Variants in SRSF7 observed in about 807,000 individuals in gnomAD.
The protein encoded by SRSF7 is serine/arginine-rich splicing factor 7.
A neutral mutation model predicts 42.2 loss-of-function variants in SRSF7; 15 were observed. The observed-to-expected ratio is 0.36, with a 90% CI of 0.24 to 0.55. The LOEUF (loss-of-function observed/expected upper bound fraction) is 0.55. Among genes scored for constraint, SRSF7 ranks in the 20% least tolerant of loss-of-function variants. The probability of loss-of-function intolerance (pLI) is 0.88; values close to 1 mark genes in which losing one functional copy is unlikely to be tolerated. For missense variants in SRSF7, 181 were observed against 305.9 expected (o/e 0.59, Z 3.04); for synonymous variants, 138 against 107.9 (o/e 1.28, Z -1.73).
Position 38,744,139 on chromosome 2 carries a change from G to A in SRSF7, c.*994C>T. The A allele has an allele frequency of 6.6e-6, 1 of 152,560 alleles. No homozygotes were observed. The highest frequency in any genetic ancestry group is 1.5e-5 in the Non-Finnish European group (1 of 68,024). 9.5% of individuals were successfully genotyped at this position (152,560 alleles called of 1,614,324 possible). A position where few individuals can be genotyped will look rare whatever the true frequency, so the allele number is the denominator to read the frequency against. On this transcript the variant is annotated 3_prime_UTR_variant, in exon 8 of 8. Transcript: ENST00000313117. ...TTTAGTCTCATTGACATTTCTGATT[G>A]ACATCTTTAATTACTTTGCACCAGC...
At chr2:38,745,222 G>C in intron 7 of SRSF7, 35 bp from the exon 8 acceptor site, 3 of 1,610,584 alleles carry the variant, frequency 1.9e-6, no homozygotes, top group Non-Finnish European at 2.5e-6. Flanking sequence ...GATCCAATTA[G>C]TGTCAATTGA....
intron 5 of SRSF7, among the ~76,000 whole-genome samples, chr2:38,747,339 T>C (rs560556646): frequency 3.6e-4 from 55 of 152,360 alleles, no homozygotes; most frequent in African/African-American, 1.2e-3. Flanking sequence ...CTTTCTCAAA[T>C]AGACCACAAG....
At chr2:38,746,607 T>C in intron 6 of SRSF7, 87 bp downstream of exon 6, 3 of 1,581,124 alleles carry the variant, frequency 1.9e-6, no homozygotes, top group Middle Eastern at 1.7e-4. Flanking sequence ...GAGTTAACAC[T>C]TAAAATTTCA....
chr2:38,749,238 ACC>A, intron 3 of SRSF7: 1 of 1,377,446 alleles, frequency 7.3e-7, no homozygotes, highest in Non-Finnish European at 9.6e-7. Context: ...TATGCTGATC[ACC>A]TCAAGGTCTA....
At chr2:38,745,330 T>C (rs1667203754) in intron 7 of SRSF7, 143 bp from the exon 8 acceptor site, 5 of 836,290 alleles carry the variant, frequency 6.0e-6, no homozygotes, top group South Asian at 3.4e-5. Context: ...GAAACTTACA[T>C]ATATTCATCT....
chr2:38,750,127 A>G lies in SRSF7; in HGVS notation c.96T>C (p.Ser32=). Residue 32 remains serine (S), a synonymous_variant, in exon 2 of 8, where the codon AGT becomes AGC. Coordinates refer to ENST00000313117, the MANE Select transcript of SRSF7 (RefSeq NM_001031684.3). ...ATACAGTTCTTAAAGGACCATAATA[A>G]CTGAAAGCCCTTTCTAACTCTCCTT... ...AGKGELERAF[S]YYGPLRTVWI... 6.2e-7 allele frequency: 1 copy of G among 1,613,370 alleles called. No individual in the cohort carries two copies.
Position 38,749,811 on chromosome 2 carries a change from C to G in SRSF7, c.210-106G>C, listed in dbSNP as rs377552660. On this transcript the variant is annotated intron_variant, in intron 2 of 7. Transcript: ENST00000313117. Reference sequence around the variant, plus strand: ...ACTCACTCTTTCCAACCACTCCTTCCCCCCCAACAAACTTTGGCGGTCTTT... The same window carrying G: ...ACTCACTCTTTCCAACCACTCCTTCGCCCCCAACAAACTTTGGCGGTCTTT... 129 of 1,333,554 alleles carry G rather than the reference C, an allele frequency of 9.7e-5. 2 individuals are homozygous for G. The highest frequency in any genetic ancestry group is 3.8e-4 in the South Asian group (23 of 60,836). 82.6% of individuals were successfully genotyped at this position (1,333,554 alleles called of 1,614,324 possible).
chr2:38,747,055 A>C (rs570152524), intron 5 of SRSF7: 34 of 524,338 alleles, frequency 6.5e-5, no homozygotes, highest in African/African-American at 5.7e-4. Context: ...AAGGAAGCAA[A>C]ACTAACCTCA....
At chr2:38,748,980 C>T in intron 3 of SRSF7, 3 of 1,286,912 alleles carry the variant, frequency 2.3e-6, no homozygotes, top group Non-Finnish European at 3.0e-6. Flanking sequence ...CCGATCGCTG[C>T]ATCTAGATGT....
chr2:38,748,043 A>G lies in SRSF7; in HGVS notation c.572+4T>C, dbSNP rs1558610761. On this transcript the variant is annotated splice_donor_region_variant and intron_variant, in intron 5 of 7. Coordinates refer to ENST00000313117, the MANE Select transcript of SRSF7 (RefSeq NM_001031684.3). ...CACAAGTAAGGAAAAAAAGTGTTAC[A>G]TACTGGAAATACCTCGATCCTTTTA... 2.5e-6 allele frequency: 4 copies of G among 1,607,280 alleles called. No homozygotes were observed. In the South Asian group the frequency reaches 3.3e-5, roughly 13 times the overall value.
chr2:38,751,287 C>G lies in SRSF7; in HGVS notation c.-31G>C. On this transcript the variant is annotated 5_prime_UTR_variant, in exon 1 of 8. Coordinates refer to ENST00000313117, the MANE Select transcript of SRSF7 (RefSeq NM_001031684.3). Reference sequence around the variant, plus strand: ...CAGACCCGCGTGCTCGGCTCTTTAGCAAGCAGCGCCCAGGGCTCGAGTGAC... The same window carrying G: ...CAGACCCGCGTGCTCGGCTCTTTAGGAAGCAGCGCCCAGGGCTCGAGTGAC... 4.3e-6 allele frequency: 7 copies of G among 1,613,954 alleles called. No individual in the cohort carries two copies. The East Asian group carries it at 1.3e-4, about 31-fold the overall frequency.
Position 38,749,538 on chromosome 2 carries a change from C to G in SRSF7, c.377G>C (p.Arg126Thr). 1.3e-6 allele frequency: 2 copies of G among 1,568,008 alleles called. No homozygotes were observed. The highest frequency in any genetic ancestry group is 1.7e-6 in the Non-Finnish European group (2 of 1,160,282). The change falls in exon 3 of 8, where the codon AGA becomes ACA. Residue 126 changes from arginine to threonine, a missense_variant. By Grantham distance (71) the Arg-to-Thr change is moderately conservative. This residue lies in a region of SRSF7 where 136 missense variants were observed against 147.8 expected (regional missense o/e 0.92). Transcript: ENST00000313117. ...TTATTAAAATAAATACCTGCTTCTT[C>G]TTCGCCGGCTGTAACGATGACAATC... ...AYDCHRYSRR[R>T]RSRSRSRSHS... is the part of the protein sequence containing the mutation.
At chr2:38,751,408 G>C (rs1257036533), upstream of SRSF7, 1 of 992,200 alleles carries the variant, frequency 1.0e-6, no homozygotes, top group Non-Finnish European at 1.5e-6. Context: ...GCTGCGCTTT[G>C]CGCATGCGTC....
At position 38,744,901 on chromosome 2, in the gene SRSF7, G is replaced by A; in HGVS notation, c.*232C>T. 1 of 456,138 alleles carries A rather than the reference G, an allele frequency of 2.2e-6. No individual in the cohort carries two copies. Among genetic ancestry groups the A allele is most frequent in the Non-Finnish European group, 3.9e-6 (1 of 257,960 alleles). 28.3% of individuals were successfully genotyped at this position (456,138 alleles called of 1,614,324 possible). On this transcript the variant is annotated 3_prime_UTR_variant, in exon 8 of 8. Transcript: ENST00000313117. ...TGAACACAAATCAAAAATCTAGTTAGAAACATTTTATTTAAATGTGCCAAA... is the reference window on the plus strand; with the variant it reads ...TGAACACAAATCAAAAATCTAGTTAAAAACATTTTATTTAAATGTGCCAAA...
intron 6 of SRSF7, 144 bp from the exon 7 acceptor site, chr2:38,746,323 C>A: frequency 1.1e-6 from 1 of 931,282 alleles, no homozygotes; most frequent in Non-Finnish European, 1.6e-6. Flanking sequence ...CCAGTTGTTG[C>A]TAACAAAAGC....
At chr2:38,746,209 A>G (rs762156438) in intron 6 of SRSF7, 30 bp from the exon 7 acceptor site, 1 of 1,612,828 alleles carries the variant, frequency 6.2e-7, no homozygotes, top group Admixed American at 1.7e-5. Context: ...TCTATTAAAG[A>G]AAGAGTACTA....
rs759550199 is a variant in SRSF7, at chr2:38,750,207, G to A, written c.29-13C>T. On this transcript the variant is annotated splice_polypyrimidine_tract_variant and intron_variant, in intron 1 of 7. Transcript: ENST00000313117. ...TACACCTTGGTTTCTGTTTAAAAAC[G>A]CAAATAGAAGAATGCACGTTACGCA... 4.4e-6 allele frequency: 7 copies of A among 1,580,654 alleles called. No homozygotes were observed. The highest frequency in any genetic ancestry group is 1.2e-5 in the South Asian group (1 of 86,082).
At chr2:38,747,346 C>T (rs1380203101) in intron 5 of SRSF7, among the ~76,000 whole-genome samples, 1 of 152,190 alleles carries the variant, frequency 6.6e-6, no homozygotes, top group Non-Finnish European at 1.5e-5. Context: ...AAATAGACCA[C>T]AAGATTCAGA....
intron 2 of SRSF7, 105 bp downstream of exon 2, chr2:38,749,909 C>G: frequency 1.5e-6 from 2 of 1,338,582 alleles, no homozygotes; most frequent in South Asian, 2.9e-5. Flanking sequence ...CTATGACCAG[C>G]TATTTAAGGT....
Sources: gnomAD v4.1 joint callset for allele counts (sites outside exome capture counted in the v4.1 genomes callset) on GRCh38, gnomAD v4.1.1 for gene constraint, gnomAD v4.1.1 regional missense constraint, MANE v1.5 for transcripts, NCBI Gene and HGNC (gene_info 2026-07-23, HGNC 2026-07-21) for gene names.